The following IL15 variants were observed in gnomAD, a reference collection of about 807,000 sequenced individuals.
IL15 encodes the protein interleukin 15.
IL15 carries 11 observed loss-of-function variants against 19.6 expected under a neutral mutation model. That is an observed-to-expected ratio of 0.56 (90% confidence interval 0.35 to 0.93). IL15 has a LOEUF of 0.93. Among genes scored for constraint, IL15 ranks in the 40% least tolerant of loss-of-function variants. IL15 has a pLI of 0.01. For synonymous variants in IL15, 58 were observed against 59.6 expected, an observed-to-expected ratio of 0.97 and a Z score of 0.12; for missense variants, 197 against 186.5, an observed-to-expected ratio of 1.06 and a Z score of -0.33.
chr4:141,658,894 G>GTC (rs1727696314), intron 2 of IL15, among the ~76,000 whole-genome samples: 1 of 145,238 alleles, frequency 6.9e-6, no homozygotes, highest in Non-Finnish European at 1.5e-5. Flanking sequence ...GAGTCTTGCT[G>GTC]TGTTGCCCAG....
intron 2 of IL15, among the ~76,000 whole-genome samples, chr4:141,676,872 A>T (rs1728366545): frequency 6.6e-6 from 1 of 152,204 alleles, no homozygotes; most frequent in South Asian, 2.1e-4. Context: ...AACAGAAGAC[A>T]ACTTAATGGA....
chr4:141,666,215 C>T (rs1425640498), intron 2 of IL15, among the ~76,000 whole-genome samples: 1 of 152,114 alleles, frequency 6.6e-6, no homozygotes, highest in African/African-American at 2.4e-5. Flanking sequence ...ATTCTCCTGC[C>T]TCAGCCTCCC....
At chr4:141,691,904 A>C (rs1728924700) in intron 2 of IL15, among the ~76,000 whole-genome samples, 3 of 152,206 alleles carry the variant, frequency 2.0e-5, no homozygotes, top group Non-Finnish European at 2.9e-5. Context: ...GCCTCAGTGA[A>C]GACTCTGTGT....
At chr4:141,712,450 C>T (rs989876903) in intron 2 of IL15, among the ~76,000 whole-genome samples, 1 of 151,842 alleles carries the variant, frequency 6.6e-6, no homozygotes, top group Non-Finnish European at 1.5e-5. Context: ...GTGACAATAG[C>T]CCATGAACAT....
chr4:141,693,507 A>G (rs189563549), intron 2 of IL15, among the ~76,000 whole-genome samples: 2 of 152,318 alleles, frequency 1.3e-5, no homozygotes, highest in Admixed American at 1.3e-4. Context: ...AATTAACACT[A>G]ATAGGTCCCT....
chr4:141,692,338 T>A (rs992994062), intron 2 of IL15, among the ~76,000 whole-genome samples: 2 of 152,242 alleles, frequency 1.3e-5, no homozygotes, highest in Admixed American at 6.5e-5. Flanking sequence ...ATTTCCTGCA[T>A]TGTCTTGGCA....
rs1379875591 is a variant in IL15, at chr4:141,693,529, C to T, written c.-99-25837C>T. On this transcript the variant is annotated intron_variant, in intron 2 of 7. Transcript: ENST00000320650. ...ACTAATAGGTCCCTAAATCTCTTTGCACTTACTGACTTATTTCTTATTTGG... is the reference window on the plus strand; with the variant it reads ...ACTAATAGGTCCCTAAATCTCTTTGTACTTACTGACTTATTTCTTATTTGG... Among the ~76,000 whole-genome samples, 5 of 152,172 alleles carry T rather than the reference C, an allele frequency of 3.3e-5. No homozygotes were observed. In the East Asian group the frequency reaches 9.6e-4, roughly 29 times the overall value.
intron 2 of IL15, chr4:141,715,947 A>C (rs1485406330): frequency 6.6e-6 from 1 of 152,172 alleles, no homozygotes; most frequent in Non-Finnish European, 1.5e-5. Flanking sequence ...GGAAATAGCA[A>C]TGGTGTGAGC....
At chr4:141,696,914 C>A (rs369192756) in intron 2 of IL15, among the ~76,000 whole-genome samples, 1 of 151,892 alleles carries the variant, frequency 6.6e-6, no homozygotes, top group Non-Finnish European at 1.5e-5. Flanking sequence ...GAATATTAGT[C>A]TTTTGTCAGT....
At position 141,712,090 on chromosome 4, in the gene IL15, A is replaced by G. The variant is rs531009761; in HGVS notation, c.-99-7276A>G. Among the ~76,000 whole-genome samples, 8 of 152,084 alleles carry G rather than the reference A, an allele frequency of 5.3e-5. No homozygotes were observed. In the East Asian group the frequency reaches 1.4e-3, roughly 26 times the overall value. ...CTTCAGCTCTGTAAACTTTTCTTTT[A>G]TGACTGTTTTGATTGTTTCATTCTG... On this transcript the variant is annotated intron_variant, in intron 2 of 7. Coordinates refer to ENST00000320650, the MANE Select transcript of IL15 (RefSeq NM_000585.5).
At chr4:141,713,478 G>A (rs1392767500) in intron 2 of IL15, among the ~76,000 whole-genome samples, 2 of 152,252 alleles carry the variant, frequency 1.3e-5, no homozygotes, top group African/African-American at 4.8e-5. Context: ...GTTAATCACT[G>A]GCAACAAAGT....
At chr4:141,648,259 C>T (rs1450550797) in intron 1 of IL15, among the ~76,000 whole-genome samples, 1 of 152,024 alleles carries the variant, frequency 6.6e-6, no homozygotes, top group African/African-American at 2.4e-5. Context: ...GAATCTTTAA[C>T]TTCCTTATTA....
intron 2 of IL15, among the ~76,000 whole-genome samples, chr4:141,656,722 T>TA (rs1727616872): frequency 6.6e-6 from 1 of 152,196 alleles, no homozygotes; most frequent in Non-Finnish European, 1.5e-5. Context: ...TCTAGGCATA[T>TA]AAAATGACAG....
In IL15 at chr4:141,640,833, A is replaced by G. The variant is rs564490601; in HGVS notation, c.-222+4085A>G. The stretch of plus-strand genomic sequence containing the variant: ...TCTCTAAATGCTAATAGTTCCTCCA[A>G]GTGCTGACAGGGTGCAGACAAAATC... On this transcript the variant is annotated intron_variant, in intron 1 of 7. Transcript: ENST00000320650. Among the ~76,000 whole-genome samples the G allele has an allele frequency of 7.2e-5, 11 of 152,356 alleles. No homozygotes were observed. The South Asian group carries it at 2.3e-3, about 32-fold the overall frequency.
chr4:141,656,528 C>T (rs916615976), intron 2 of IL15, among the ~76,000 whole-genome samples: 3 of 152,054 alleles, frequency 2.0e-5, no homozygotes, highest in Non-Finnish European at 4.4e-5. Context: ...TGAAAAGAGC[C>T]ACTTAGTAAA....
chr4:141,657,390 A>G (rs1007967517), intron 2 of IL15, among the ~76,000 whole-genome samples: 1 of 151,976 alleles, frequency 6.6e-6, no homozygotes, highest in Non-Finnish European at 1.5e-5. Context: ...TACAAAATTT[A>G]TTAAAATATT....
intron 2 of IL15, among the ~76,000 whole-genome samples, chr4:141,684,110 C>A (rs1728631799): frequency 6.6e-6 from 1 of 152,146 alleles, no homozygotes; most frequent in South Asian, 2.1e-4. Context: ...CATGCTATGA[C>A]CTCAACTAAT....
At chr4:141,668,081 T>C (rs1057191630) in intron 2 of IL15, among the ~76,000 whole-genome samples, 2 of 152,242 alleles carry the variant, frequency 1.3e-5, no homozygotes, top group African/African-American at 4.8e-5. Context: ...ACAATTATCT[T>C]TTATTAACAC....
At chr4:141,684,505 T>A (rs1322929001) in intron 2 of IL15, among the ~76,000 whole-genome samples, 1 of 152,238 alleles carries the variant, frequency 6.6e-6, no homozygotes, top group Non-Finnish European at 1.5e-5. Flanking sequence ...TTCCTCCGTT[T>A]GGCTTTGAAG....
Sources: gnomAD v4.1 joint callset for allele counts (sites outside exome capture counted in the v4.1 genomes callset) on GRCh38, gnomAD v4.1.1 for gene constraint, MANE v1.5 for transcripts, NCBI Gene and HGNC (gene_info 2026-07-23, HGNC 2026-07-21) for gene names.